Variants in CCDC186 observed in about 807,000 individuals in gnomAD.
CCDC186 encodes coiled-coil domain-containing protein 186.
CCDC186 carries 49 observed loss-of-function variants against 113.7 expected under a neutral mutation model. The observed-to-expected ratio is 0.43, with a 90% confidence interval of 0.34 to 0.55. The LOEUF (loss-of-function observed/expected upper bound fraction) is 0.55, where lower values mean the gene tolerates loss of function less well. CCDC186 is among the 20% of genes least tolerant of loss of function. The pLI is 0.02. For synonymous variants in CCDC186, 355 were observed against 345.8 expected (o/e 1.03, Z -0.30); for missense variants, 890 against 1,011.1 (o/e 0.88, Z 1.62).
intron 12 of CCDC186, chr10:114,130,463 TC>T (rs1447693281): frequency 6.5e-6 from 1 of 153,336 alleles, no homozygotes; most frequent in African/African-American, 2.4e-5. Context: ...TATTTTTGTA[TC>T]CCAAGCATAT....
chr10:114,171,086 C>T (rs1000907124), intron 1 of CCDC186, among the ~76,000 whole-genome samples: 1 of 152,098 alleles, frequency 6.6e-6, no homozygotes, highest in Admixed American at 6.5e-5. Context: ...GAAATGACTT[C>T]CTACTAATAC....
chr10:114,140,256 C>G lies in CCDC186; in HGVS notation c.1222-2966G>C, dbSNP rs567520947. 2.0e-5 allele frequency among the ~76,000 whole-genome samples: 3 copies of G among 152,214 alleles called. No homozygotes were observed. The South Asian group carries it at 6.2e-4, about 32-fold the overall frequency. On this transcript the variant is annotated intron_variant, in intron 6 of 15. Coordinates refer to ENST00000369287, the MANE Select transcript of CCDC186 (RefSeq NM_018017.4). ...GAGAGATGAAAGTTTAGATAGAATA[C>G]CTGGGGAAAGTCTCATTGAGAAGGT...
intron 3 of CCDC186, among the ~76,000 whole-genome samples, chr10:114,152,791 GA>G (rs1301895405): frequency 2.0e-5 from 3 of 151,978 alleles, no homozygotes; most frequent in East Asian, 1.9e-4. Flanking sequence ...GAAAAGAGTG[GA>G]AAAAAATATA....
intron 1 of CCDC186, among the ~76,000 whole-genome samples, chr10:114,172,649 T>C (rs1032005092): frequency 6.6e-6 from 1 of 152,260 alleles, no homozygotes; most frequent in Non-Finnish European, 1.5e-5. Flanking sequence ...TCAGTAATCA[T>C]ACGTTTGCCT....
rs1013174183 is a variant in CCDC186, at chr10:114,136,351, T to C, written c.1327-105A>G. ...TAATGTAGCATCATATACATTTCTG[T>C]TACGTTAGGATAAGAGACAAGTTCT... On this transcript the variant is annotated intron_variant, in intron 7 of 15. Coordinates refer to ENST00000369287, the MANE Select transcript of CCDC186 (RefSeq NM_018017.4). 1.1e-5 allele frequency: 8 copies of C among 719,882 alleles called. No homozygotes were observed. The African/African-American group carries it at 1.2e-4, about 11-fold the overall frequency. The allele number at this position is 719,882 out of a possible 1,614,324, so 44.6% of individuals were successfully genotyped here. A position where few individuals can be genotyped will look rare whatever the true frequency, so the allele number is the denominator to read the frequency against.
chr10:114,127,255 C>T (rs2030935426), intron 14 of CCDC186, among the ~76,000 whole-genome samples: 1 of 152,160 alleles, frequency 6.6e-6, no homozygotes, highest in Non-Finnish European at 1.5e-5. Context: ...AACTCTCTAT[C>T]ACCTTAAAGG....
chr10:114,145,213 T>C (rs1057249449), intron 5 of CCDC186, among the ~76,000 whole-genome samples: 14 of 152,150 alleles, frequency 9.2e-5, no homozygotes, highest in Non-Finnish European at 1.5e-4. Context: ...TACACTACTA[T>C]ATACATATTT....
chr10:114,149,628 G>A (rs2031763626), intron 4 of CCDC186, among the ~76,000 whole-genome samples: 1 of 5,320 alleles, frequency 1.9e-4, no homozygotes, highest in Non-Finnish European at 4.7e-4. Context: ...GGAAGGAAAG[G>A]GAGGGGAGGG....
chr10:114,145,420 A>C, intron 5 of CCDC186, 129 bp downstream of exon 5: 3 of 827,552 alleles, frequency 3.6e-6, no homozygotes, highest in Non-Finnish European at 5.3e-6. Context: ...TTTAGAAGGT[A>C]AACTAATAAA....
intron 4 of CCDC186, among the ~76,000 whole-genome samples, chr10:114,148,194 G>A (rs1455575622): frequency 1.3e-5 from 2 of 152,082 alleles, no homozygotes; most frequent in African/African-American, 2.4e-5. Flanking sequence ...ACCAGATAAC[G>A]GCTCTGTTAC....
chr10:114,160,655 C>T (rs2032144500), intron 2 of CCDC186, among the ~76,000 whole-genome samples: 1 of 151,864 alleles, frequency 6.6e-6, no homozygotes, highest in South Asian at 2.1e-4. Context: ...ACAATTTTAT[C>T]AGTTATATTT....
chr10:114,133,111 G>C (rs1291796348), intron 10 of CCDC186, among the ~76,000 whole-genome samples: 1 of 152,188 alleles, frequency 6.6e-6, no homozygotes, highest in Non-Finnish European at 1.5e-5. Flanking sequence ...GTGGAAAACA[G>C]ATTAGAGAGG....
intron 6 of CCDC186, among the ~76,000 whole-genome samples, chr10:114,143,805 TA>T (rs1344710633): frequency 6.6e-6 from 1 of 152,230 alleles, no homozygotes; most frequent in Non-Finnish European, 1.5e-5. Flanking sequence ...GATATTTTCA[TA>T]AACTTACACT....
rs541622463 is a variant in CCDC186 at position 114,121,945 on chromosome 10, G to A, written c.*3198C>T. The A allele has an allele frequency of 6.6e-6, 1 of 152,452 alleles. No homozygotes were observed. Among genetic ancestry groups the A allele is most frequent in the African/African-American group, 2.4e-5 (1 of 41,552 alleles). 9.4% of individuals were successfully genotyped at this position (152,452 alleles called of 1,614,324 possible). ...TCCCAACTCAGCCTCCTGGGTAGCT[G>A]GGACCCCAGCCATGTGCCACTGCAT... On this transcript the variant is annotated 3_prime_UTR_variant, in exon 16 of 16. Coordinates refer to ENST00000369287, the MANE Select transcript of CCDC186 (RefSeq NM_018017.4).
At position 114,135,044 on chromosome 10, in the gene CCDC186, T is replaced by C; in HGVS notation, c.1524A>G (p.Leu508=). The C allele has an allele frequency of 6.2e-7, 1 of 1,606,888 alleles. No individual in the cohort carries two copies. Among genetic ancestry groups the C allele is most frequent in the Non-Finnish European group, 8.5e-7 (1 of 1,178,242 alleles). Residue 508 remains leucine, a synonymous_variant, in exon 10 of 16, where the codon CTA becomes CTG. Coordinates refer to ENST00000369287, the MANE Select transcript of CCDC186 (RefSeq NM_018017.4). ...LRTLRTKVKC[L]EDERLRTEDE... is the part of the protein sequence containing the mutation. ...CTTCTGTTCTTAATCGTTCATCTTC[T>C]AGACATTTCACCTATCAAATGATCA... is the stretch of plus-strand genomic sequence containing the variant.
At chr10:114,161,470 G>C (rs114679423) in intron 2 of CCDC186, 3 of 151,988 alleles carry the variant, frequency 2.0e-5, no homozygotes, top group Admixed American at 6.6e-5. Context: ...TATGAAAATG[G>C]TAAGAGTCTA....
chr10:114,145,736 C>A lies in CCDC186; in HGVS notation c.914G>T (p.Arg305Leu), dbSNP rs144074954. 1 of 1,591,608 alleles carries A rather than the reference C, an allele frequency of 6.3e-7. No homozygotes were observed. Among genetic ancestry groups the A allele is most frequent in the Admixed American group, 1.9e-5 (1 of 53,628 alleles). ...CATTACCATTGCTTCTTTTTCTTGG[C>A]GTGCCTCTTCACATTTCTTGTTGGC... ...EQANKKCEEA[R>L]QEKEAMVMKY... Residue 305 changes from arginine (R) to leucine (L), a missense_variant, in exon 5 of 16, where the codon CGC becomes CTC. Physicochemically the swap from Arg to Leu is moderately radical, Grantham distance 102. Coordinates refer to ENST00000369287, the MANE Select transcript of CCDC186 (RefSeq NM_018017.4).
chr10:114,167,015 GTTTTTTT>G (rs201434736), intron 1 of CCDC186, among the ~76,000 whole-genome samples: 2 of 127,266 alleles, frequency 1.6e-5, no homozygotes, highest in African/African-American at 2.9e-5. Context: ...TTGCAAGCTG[GTTTTTTT>G]TTTTTTTTTT....
intron 1 of CCDC186, among the ~76,000 whole-genome samples, chr10:114,173,645 TC>T (rs2032592042): frequency 6.6e-6 from 1 of 151,768 alleles, no homozygotes. Flanking sequence ...GGCGATTGAG[TC>T]TAGGAAAGAT....
Sources: allele counts gnomAD v4.1 joint callset (sites outside exome capture counted in the v4.1 genomes callset), GRCh38; gene constraint gnomAD v4.1.1; transcripts MANE v1.5; gene names NCBI Gene and HGNC (gene_info 2026-07-23, HGNC 2026-07-21).